MACF1: variants seen among roughly 807,000 people sequenced by gnomAD.
MACF1 encodes the protein microtubule actin crosslinking factor 1, also known as microtubule-actin cross-linking factor 1.
MACF1 carries 193 observed loss-of-function variants against 854.8 expected under a neutral mutation model. The observed-to-expected ratio is 0.23, with a 90% CI of 0.20 to 0.25. The LOEUF is 0.25. Ranked by LOEUF, MACF1 falls within the 10% of genes least tolerant of loss-of-function variation. MACF1 has a pLI of 1.00. For missense variants in MACF1, 7,722 were observed against 8,929.1 expected (o/e 0.86, Z 5.45); for synonymous variants, 3,185 against 3,226.7 (o/e 0.99, Z 0.44).
Position 39,318,536 on chromosome 1 carries a change from C to A in MACF1, c.3866C>A (p.Thr1289Asn). 1.2e-6 allele frequency: 2 copies of A among 1,613,966 alleles called. No homozygotes were observed. The highest frequency in any genetic ancestry group is 1.7e-6 in the Non-Finnish European group (2 of 1,179,964). ...ACTCTCATCAAGTGGATTGAGGAAA[C>A]CACTGCCCAGCAGGAAATGATGAAG... The part of the protein sequence containing the change: ...HGTLIKWIEE[T>N]TAQQEMMKPG... The change falls in exon 30 of 101, where the codon ACC becomes AAC. Residue 1289 changes from threonine to asparagine, a missense_variant. Thr to Asn is a moderately conservative substitution (Grantham distance 65). Transcript: ENST00000564288.
intron 2 of MACF1, among the ~76,000 whole-genome samples, chr1:39,194,542 C>T (rs1010542872): frequency 4.0e-5 from 6 of 150,262 alleles, no homozygotes; most frequent in African/African-American, 4.9e-5. Flanking sequence ...TTAGTAGAGA[C>T]GGGTGGCCAG....
rs1463839481 is a variant in MACF1, at chr1:39,360,009, AAAAATATATATATATATATATAT to A, written c.12244+747_12245-760del. Among the ~76,000 whole-genome samples the A allele has an allele frequency of 4.4e-3, 233 of 53,016 alleles. 1 individual carries two copies. The highest frequency in any genetic ancestry group is 6.6e-3 in the Non-Finnish European group (200 of 30,384). The allele number at this position is 53,016 out of a possible 152,430, so 34.8% of individuals were successfully genotyped here. A position where few individuals can be genotyped will look rare whatever the true frequency, so the allele number is the denominator to read the frequency against. On this transcript the variant is annotated intron_variant, in intron 47 of 100. Coordinates refer to ENST00000564288, the MANE Select transcript of MACF1 (RefSeq NM_001394062.1). ...CTCAAAAAAAAAAAAAAAAAAAAAAAAAAATATATATATATATATATATATATATATATATATATATATACACA... is the reference window on the plus strand; with the variant it reads ...CTCAAAAAAAAAAAAAAAAAAAAAAAATATATATATATATATATATACACA...
Position 39,443,432 on chromosome 1 carries a change from CT to C in MACF1, c.19303-9del. The C allele has an allele frequency of 6.2e-7, 1 of 1,600,014 alleles. No individual in the cohort carries two copies. The highest frequency in any genetic ancestry group is 8.5e-7 in the Non-Finnish European group (1 of 1,176,056). On this transcript the variant is annotated splice_polypyrimidine_tract_variant and intron_variant, in intron 78 of 100. Transcript: ENST00000564288. ...ATGACTACTGACATGGTTGATATAT[CT>C]TTTTCTCAAAAGGCCCAGGGCTTCC...
rs372616649 is a variant in MACF1, at chr1:39,417,984, C to T, written c.15817-4390C>T. Among the ~76,000 whole-genome samples, 3 of 151,754 alleles carry T rather than the reference C, an allele frequency of 2.0e-5. No homozygotes were observed. The East Asian group carries it at 5.8e-4, about 29-fold the overall frequency. On this transcript the variant is annotated intron_variant, in intron 58 of 100. Coordinates refer to ENST00000564288, the MANE Select transcript of MACF1 (RefSeq NM_001394062.1). ...TGGAACTTATACTGAGTGGAGGAGGCAGATATTAAGAAAACCACACATAAA... is the reference window on the plus strand; with the variant it reads ...TGGAACTTATACTGAGTGGAGGAGGTAGATATTAAGAAAACCACACATAAA...
Position 39,285,598 on chromosome 1 carries a change from T to C in MACF1, c.1354-6T>C, listed in dbSNP as rs1645628077. On this transcript the variant is annotated splice_polypyrimidine_tract_variant and splice_region_variant and intron_variant, in intron 13 of 100. Transcript: ENST00000564288. The stretch of plus-strand genomic sequence containing the variant: ...TTCCCACTGTTATTCTCTCTTCCTG[T>C]CTCAGGATGCTGCTCACCTGGAATC... 6.2e-7 allele frequency: 1 copy of C among 1,612,852 alleles called. No homozygotes were observed. The highest frequency in any genetic ancestry group is 1.3e-5 in the African/African-American group (1 of 74,984).
In MACF1 at chr1:39,324,508, A is replaced by C. The variant is rs1646573396; in HGVS notation, c.4390-138A>C. ...ATCTTGTTTGTTCTTGTACCTTTTT[A>C]TCAGCTGTAGCTCATTGGTGATAAT... On this transcript the variant is annotated intron_variant, in intron 34 of 100. Coordinates refer to ENST00000564288, the MANE Select transcript of MACF1 (RefSeq NM_001394062.1). 8 of 1,063,334 alleles carry C rather than the reference A, an allele frequency of 7.5e-6. No individual in the cohort carries two copies. The South Asian group carries it at 1.4e-4, about 18-fold the overall frequency. The allele number at this position is 1,063,334 out of a possible 1,614,324, so 65.9% of individuals were successfully genotyped here. A position where few individuals can be genotyped will look rare whatever the true frequency, so the allele number is the denominator to read the frequency against.
At chr1:39,444,546 G>C in intron 79 of MACF1, 116 bp from the exon 80 acceptor site, 2 of 774,756 alleles carry the variant, frequency 2.6e-6, no homozygotes, top group Non-Finnish European at 3.9e-6. Flanking sequence ...CCAAAAGAAT[G>C]GCTTGTAATC....
intron 54 of MACF1, among the ~76,000 whole-genome samples, chr1:39,379,695 C>T (rs1650012344): frequency 6.6e-6 from 1 of 152,234 alleles, no homozygotes. Context: ...GAATAGCCCT[C>T]CCCAGAATCG....
intron 79 of MACF1, among the ~76,000 whole-genome samples, chr1:39,443,787 T>C (rs1280047167): frequency 1.3e-5 from 2 of 152,144 alleles, no homozygotes; most frequent in Non-Finnish European, 2.9e-5. Context: ...GCTGGAAATT[T>C]TGAGTTAATC....
chr1:39,468,045 C>G (rs1644705224), intron 95 of MACF1: 1 of 152,200 alleles, frequency 6.6e-6, no homozygotes, highest in Non-Finnish European at 1.5e-5. Flanking sequence ...CCTACCTCTC[C>G]TTTTGGTGCA....
Position 39,311,620 on chromosome 1 carries a change from T to C in MACF1, c.3270+620T>C, listed in dbSNP as rs181608584. Among the ~76,000 whole-genome samples, 548 of 152,350 alleles carry C rather than the reference T, an allele frequency of 3.6e-3. 2 individuals carry two copies. Among genetic ancestry groups the C allele is most frequent in the Admixed American group, 6.1e-3 (94 of 15,308 alleles). ...ATATTTTTTGCTTTATTAAGTCCTCTGAGGCATACAAAGAAAAGTAAATAA... is the reference window on the plus strand; with the variant it reads ...ATATTTTTTGCTTTATTAAGTCCTCCGAGGCATACAAAGAAAAGTAAATAA... On this transcript the variant is annotated intron_variant, in intron 26 of 100. Transcript: ENST00000564288.
intron 51 of MACF1, 55 bp downstream of exon 51, chr1:39,370,241 T>A (rs189473956): frequency 9.0e-6 from 13 of 1,451,648 alleles, no homozygotes; most frequent in Non-Finnish European, 8.4e-6. Flanking sequence ...TGAATACTTG[T>A]ATTAACTGGT....
intron 2 of MACF1, among the ~76,000 whole-genome samples, chr1:39,133,106 G>A (rs902292143): frequency 2.6e-5 from 4 of 152,208 alleles, no homozygotes; most frequent in Non-Finnish European, 5.9e-5. Context: ...CTGGCTGGAT[G>A]CCCCTTGATC....
intron 40 of MACF1, among the ~76,000 whole-genome samples, chr1:39,341,524 C>T (rs1054213395): frequency 1.3e-5 from 2 of 151,098 alleles, no homozygotes; most frequent in African/African-American, 4.9e-5. Context: ...GGTGAAACCC[C>T]GTCTCTATTA....
intron 6 of MACF1, among the ~76,000 whole-genome samples, chr1:39,264,435 G>A (rs1348647824): frequency 6.6e-6 from 1 of 152,084 alleles, no homozygotes; most frequent in African/African-American, 2.4e-5. Context: ...ACAATGGCAG[G>A]GATTTTTGTC....
At chr1:39,450,973 T>C (rs774747042) in intron 84 of MACF1, 79 bp from the exon 85 acceptor site, 44 of 1,488,554 alleles carry the variant, frequency 3.0e-5, no homozygotes, top group Middle Eastern at 1.8e-4. Context: ...CAAGCAATAT[T>C]CCCTTTCAGC....
chr1:39,268,814 A>C (rs1386199247), intron 6 of MACF1: 1 of 1,289,612 alleles, frequency 7.8e-7, no homozygotes, highest in Non-Finnish European at 1.0e-6. Context: ...GAGGGAAGAA[A>C]ATCCCTACTC....
intron 60 of MACF1, among the ~76,000 whole-genome samples, chr1:39,423,454 T>G (rs1643616130): frequency 1.3e-5 from 2 of 151,914 alleles, no homozygotes; most frequent in South Asian, 4.2e-4. Flanking sequence ...GCTAACACGG[T>G]GAAACCCCAT....
chr1:39,305,989 A>C (rs3121897), intron 23 of MACF1, among the ~76,000 whole-genome samples: 9,203 of 152,054 alleles, frequency 0.061, 362 homozygotes, highest in African/African-American at 0.11. Flanking sequence ...GTGTTTGTTT[A>C]TTCTCTCCTA....
Sources: allele counts gnomAD v4.1 joint callset (sites outside exome capture counted in the v4.1 genomes callset), GRCh38; gene constraint gnomAD v4.1.1; transcripts MANE v1.5; gene names NCBI Gene and HGNC (gene_info 2026-07-23, HGNC 2026-07-21).